TMEM79: variants seen among roughly 807,000 people sequenced by gnomAD.
TMEM79 encodes the protein mattrin.
Under a neutral mutation model 31.2 loss-of-function variants are expected in TMEM79, and 30 were observed. The observed-to-expected ratio is 0.96, with a 90% CI of 0.72 to 1.30. TMEM79 has a LOEUF of 1.30. TMEM79 is among the 50% of genes most tolerant of loss of function. The pLI is 0.00. For missense variants in TMEM79, 509 were observed against 528.2 expected, an observed-to-expected ratio of 0.96 and a Z score of 0.36; for synonymous variants, 213 against 229.5, an observed-to-expected ratio of 0.93 and a Z score of 0.65.
rs774453187 is a variant in TMEM79, at chr1:156,285,283, G to A, written c.57G>A (p.Glu19=). Reference sequence around the variant, plus strand: ...AAGTGAAGAGGTCTGATTCCCCAGAGAAGAGCTCACCCCAGGCCTTGGTTC... The same window carrying A: ...AAGTGAAGAGGTCTGATTCCCCAGAAAAGAGCTCACCCCAGGCCTTGGTTC... ...LLEVKRSDSP[E]KSSPQALVPN... is the part of the protein sequence containing the mutation. Residue 19 remains glutamate, a synonymous_variant, in exon 2 of 4, where the codon GAG becomes GAA. Coordinates refer to ENST00000405535, the MANE Select transcript of TMEM79 (RefSeq NM_032323.3). The A allele has an allele frequency of 1.9e-6, 3 of 1,571,544 alleles. No homozygotes were observed. Among genetic ancestry groups the A allele is most frequent in the African/African-American group, 2.7e-5 (2 of 73,180 alleles).
chr1:156,288,217 T>C (rs1663222591), intron 3 of TMEM79, among the ~76,000 whole-genome samples: 1 of 147,676 alleles, frequency 6.8e-6, no homozygotes. Flanking sequence ...AAAAAAAAAA[T>C]CCTTAGGGGT....
intron 3 of TMEM79, 47 bp from the exon 4 acceptor site, chr1:156,291,338 G>A (rs1425380037): frequency 6.3e-7 from 1 of 1,582,182 alleles, no homozygotes; most frequent in African/African-American, 1.3e-5. Context: ...CCAATCAGCT[G>A]ACGCGCTTCC....
upstream of TMEM79, chr1:156,283,023 G>C (rs1164809999): frequency 2.1e-6 from 1 of 477,014 alleles, no homozygotes; most frequent in African/African-American, 2.0e-5. Context: ...AGAACGGACA[G>C]TGTACCCACT....
Position 156,285,164 on chromosome 1 carries a change from C to T in TMEM79, c.-43-20C>T. The T allele has an allele frequency of 6.7e-7, 1 of 1,497,014 alleles. No individual in the cohort carries two copies. The highest frequency in any genetic ancestry group is 8.9e-7 in the Non-Finnish European group (1 of 1,122,142). 92.7% of individuals were successfully genotyped at this position (1,497,014 alleles called of 1,614,324 possible). A position where few individuals can be genotyped will look rare whatever the true frequency, so the allele number is the denominator to read the frequency against. ...TAGAAGACAGGGGTTTCTGACAGAG[C>T]TTTCCTCTGTTCCCTGCAGGATGAC... On this transcript the variant is annotated intron_variant, in intron 1 of 3. Coordinates refer to ENST00000405535, the MANE Select transcript of TMEM79 (RefSeq NM_032323.3).
At position 156,292,376 on chromosome 1, in the gene TMEM79, A is replaced by AGTGTGTGTGTGTGTGTGT. The variant is rs9331871; in HGVS notation, c.*807_*824dup. On this transcript the variant is annotated 3_prime_UTR_variant, in exon 4 of 4. Coordinates refer to ENST00000405535, the MANE Select transcript of TMEM79 (RefSeq NM_032323.3). ...ATGGTGCGGTGGTTGATGTTAACCTAGTGTGTGTGTGTGTGTGTGTGTGTG... is the reference window on the plus strand; with the variant it reads ...ATGGTGCGGTGGTTGATGTTAACCTAGTGTGTGTGTGTGTGTGTGTGTGTGTGTGTGTGTGTGTGTGTG... The AGTGTGTGTGTGTGTGTGT allele has an allele frequency of 7.0e-6, 1 of 142,378 alleles. No homozygotes were observed. The highest frequency in any genetic ancestry group is 1.5e-5 in the Non-Finnish European group (1 of 65,478). The allele number at this position is 142,378 out of a possible 1,614,324, so 8.8% of individuals were successfully genotyped here. A position where few individuals can be genotyped will look rare whatever the true frequency, so the allele number is the denominator to read the frequency against.
At position 156,291,628 on chromosome 1, in the gene TMEM79, G is replaced by A. The variant is rs775616688; in HGVS notation, c.*30G>A. 8 of 1,601,516 alleles carry A rather than the reference G, an allele frequency of 5.0e-6. No homozygotes were observed. Among genetic ancestry groups the A allele is most frequent in the Non-Finnish European group, 6.8e-6 (8 of 1,170,364 alleles). ...CTCCGCCCTCGCCCTCGGAGTAGGG[G>A]GTAGCGGCTTGGGTCTGACACATCT... is the stretch of plus-strand genomic sequence containing the variant. On this transcript the variant is annotated 3_prime_UTR_variant, in exon 4 of 4. Coordinates refer to ENST00000405535, the MANE Select transcript of TMEM79 (RefSeq NM_032323.3).
At chr1:156,283,941 G>A (rs535984535), upstream of TMEM79, among the ~76,000 whole-genome samples, 1 of 152,344 alleles carries the variant, frequency 6.6e-6, no homozygotes, top group East Asian at 1.9e-4. Flanking sequence ...CAAGGGCAGA[G>A]ACCTCAACTG....
upstream of TMEM79, chr1:156,283,208 A>G (rs1572605065): frequency 5.1e-6 from 1 of 196,676 alleles, no homozygotes; most frequent in Non-Finnish European, 1.0e-5. Flanking sequence ...CTTTTCCCCC[A>G]TAATTTAAAC....
At chr1:156,289,479 G>T (rs1406601565) in intron 3 of TMEM79, among the ~76,000 whole-genome samples, 3 of 152,216 alleles carry the variant, frequency 2.0e-5, no homozygotes, top group African/African-American at 4.8e-5. Context: ...GGGCATGGTG[G>T]TGGGTACCTG....
chr1:156,291,583 C>A lies in TMEM79; in HGVS notation c.1170C>A (p.Pro390=). 6.2e-7 allele frequency: 1 copy of A among 1,611,576 alleles called. No homozygotes were observed. The highest frequency in any genetic ancestry group is 8.5e-7 in the Non-Finnish European group (1 of 1,179,912). Residue 390 remains proline, a synonymous_variant, in exon 4 of 4, where the codon CCC becomes CCA. Transcript: ENST00000405535. ...DHARSASDYR[P]RPWG is the part of the protein sequence containing the mutation. Reference sequence around the variant, plus strand: ...CCCGCTCGGCCTCCGACTACAGGCCCCGCCCCTGGGGCTGAGCCTCTCCGC... The same window carrying A: ...CCCGCTCGGCCTCCGACTACAGGCCACGCCCCTGGGGCTGAGCCTCTCCGC...
intron 3 of TMEM79, among the ~76,000 whole-genome samples, chr1:156,287,260 C>A (rs921740345): frequency 3.3e-5 from 5 of 151,414 alleles, no homozygotes; most frequent in Non-Finnish European, 7.4e-5. Context: ...ACTAAAAATA[C>A]AAAAAATTAG....
Position 156,286,106 on chromosome 1 carries a change from C to G in TMEM79, c.757+123C>G. 9.1e-6 allele frequency: 13 copies of G among 1,431,516 alleles called. No homozygotes were observed. In the South Asian group the frequency reaches 1.0e-4, roughly 11 times the overall value. 88.7% of individuals were successfully genotyped at this position (1,431,516 alleles called of 1,614,324 possible). On this transcript the variant is annotated intron_variant, in intron 2 of 3. Coordinates refer to ENST00000405535, the MANE Select transcript of TMEM79 (RefSeq NM_032323.3). ...TGGGCCCCTCAGGGTCTCCCACCCC[C>G]TGCCAGTCTGCATGCCCATCTCCTC...
chr1:156,291,589 C>T lies in TMEM79; in HGVS notation c.1176C>T (p.Pro392=). The T allele has an allele frequency of 4.3e-6, 7 of 1,611,780 alleles. No homozygotes were observed. Among genetic ancestry groups the T allele is most frequent in the Non-Finnish European group, 5.1e-6 (6 of 1,179,896 alleles). The part of the protein sequence containing the change: ...ARSASDYRPR[P]WG ...CGGCCTCCGACTACAGGCCCCGCCC[C>T]TGGGGCTGAGCCTCTCCGCCCTCGC... is the stretch of plus-strand genomic sequence containing the variant. Residue 392 remains proline, a synonymous_variant, in exon 4 of 4, where the codon CCC becomes CCT. Transcript: ENST00000405535.
At chr1:156,287,330 C>T (rs906638081) in intron 3 of TMEM79, among the ~76,000 whole-genome samples, 8 of 152,088 alleles carry the variant, frequency 5.3e-5, no homozygotes, top group Non-Finnish European at 8.8e-5. Context: ...GCAGGAGAAT[C>T]GCTTGAACCT....
At chr1:156,283,490 T>C (rs138071675), upstream of TMEM79, among the ~76,000 whole-genome samples, 3 of 152,042 alleles carry the variant, frequency 2.0e-5, no homozygotes, top group East Asian at 5.8e-4. Flanking sequence ...TAAGGACTCA[T>C]AGAAATGAGA....
At chr1:156,285,109 G>C in intron 1 of TMEM79, 75 bp from the exon 2 acceptor site, 1 of 1,330,178 alleles carries the variant, frequency 7.5e-7, no homozygotes, top group Non-Finnish European at 1.0e-6. Flanking sequence ...GCCCTGGAGA[G>C]TATGAGTTCT....
At position 156,286,287 on chromosome 1, in the gene TMEM79, T is replaced by A; in HGVS notation, c.785T>A (p.Leu262Ter). 6.2e-7 allele frequency: 1 copy of A among 1,614,232 alleles called. No homozygotes were observed. The highest frequency in any genetic ancestry group is 8.5e-7 in the Non-Finnish European group (1 of 1,180,038). ...LGILVYGLSLLCFSALRPFGE... is the reference protein window; with the variant it reads ...LGILVYGLSL ...ATCCTGGTGTACGGGCTGAGCCTGT[T>A]ATGCTTTTCTGCCCTTCGGCCCTTT... Residue 262 changes from leucine to a stop codon, truncating the protein, a stop_gained, in exon 3 of 4, where the codon TTA (leucine) becomes TAA (stop). Transcript: ENST00000405535. LOFTEE classifies it high-confidence loss of function.
At position 156,287,704 on chromosome 1, in the gene TMEM79, C is replaced by T. The variant is rs146454802; in HGVS notation, c.971+1231C>T. On this transcript the variant is annotated intron_variant, in intron 3 of 3. Transcript: ENST00000405535. ...GGATCTCAGCTCACTACAATCTCCA[C>T]CTACTGGGTTCAAGCGATTCTCCTG... is the stretch of plus-strand genomic sequence containing the variant. Among the ~76,000 whole-genome samples, 1,425 of 151,182 alleles carry T rather than the reference C, an allele frequency of 9.4e-3. 22 individuals are homozygous for T. The highest frequency in any genetic ancestry group is 0.033 in the African/African-American group (1,366 of 41,214).
intron 3 of TMEM79, among the ~76,000 whole-genome samples, chr1:156,287,952 T>C (rs1663214666): frequency 6.6e-6 from 1 of 151,778 alleles, no homozygotes; most frequent in African/African-American, 2.4e-5. Context: ...TGCCATCACC[T>C]AAAATCCTTA....
Sources: allele counts gnomAD v4.1 joint callset (sites outside exome capture counted in the v4.1 genomes callset), GRCh38; gene constraint gnomAD v4.1.1; transcripts MANE v1.5; gene names NCBI Gene and HGNC (gene_info 2026-07-23, HGNC 2026-07-21).